Variants in CATSPERT observed in about 807,000 individuals in gnomAD.
The protein encoded by CATSPERT is cation channel sperm-associated targeting subunit tau.
chr2:201,619,172 C>A, the CATSPERT span: 2 of 1,601,600 alleles, frequency 1.2e-6, no homozygotes, highest in Non-Finnish European at 1.7e-6. Flanking sequence ...ACCGACGGCC[C>A]GCTACTGCGC....
the CATSPERT span, among the ~76,000 whole-genome samples, chr2:201,594,375 A>T: frequency 3.9e-5 from 6 of 152,022 alleles, no homozygotes; most frequent in Admixed American, 6.5e-5. Context: ...CTTCCCTTTG[A>T]GGGTAACCCG....
chr2:201,545,629 CA>C, the CATSPERT span: 6,188 of 155,724 alleles, frequency 0.04, 12 homozygotes, highest in African/African-American at 0.066. Context: ...TTCCTAGAAG[CA>C]AAAAAAAAAA....
chr2:201,584,355 G>A, the CATSPERT span, among the ~76,000 whole-genome samples: 4 of 152,034 alleles, frequency 2.6e-5, no homozygotes, highest in Non-Finnish European at 4.4e-5. Context: ...TGGGCAGAGA[G>A]ACAAAGTGAT....
At chr2:201,616,634 T>G in the CATSPERT span, among the ~76,000 whole-genome samples, 1 of 152,192 alleles carries the variant, frequency 6.6e-6, no homozygotes, top group Non-Finnish European at 1.5e-5. Flanking sequence ...AGCATTCCCT[T>G]TGAAAACTGG....
chr2:201,525,085 C>A, the CATSPERT span, among the ~76,000 whole-genome samples: 5 of 152,118 alleles, frequency 3.3e-5, no homozygotes, highest in African/African-American at 1.2e-4. Context: ...ATATTCGGGA[C>A]CTAAACTTGA....
chr2:201,616,107 C>G, the CATSPERT span, among the ~76,000 whole-genome samples: 1 of 152,322 alleles, frequency 6.6e-6, no homozygotes, highest in African/African-American at 2.4e-5. Context: ...GACGGATTCA[C>G]AGCCAAATTC....
At chr2:201,602,973 A>G in the CATSPERT span, among the ~76,000 whole-genome samples, 5 of 152,226 alleles carry the variant, frequency 3.3e-5, no homozygotes, top group Non-Finnish European at 7.3e-5. Flanking sequence ...CCTTCCATGC[A>G]TCCCCACTAA....
the CATSPERT span, among the ~76,000 whole-genome samples, chr2:201,603,631 T>A: frequency 6.6e-6 from 1 of 152,212 alleles, no homozygotes; most frequent in Non-Finnish European, 1.5e-5. Context: ...AATTAAGAAA[T>A]GTGCCTTATT....
chr2:201,571,241 G>A, the CATSPERT span, among the ~76,000 whole-genome samples: 1 of 152,136 alleles, frequency 6.6e-6, no homozygotes, highest in African/African-American at 2.4e-5. Context: ...GTATTTTAAT[G>A]ATAATATCCA....
chr2:201,555,910 A>C, the CATSPERT span: 2 of 152,186 alleles, frequency 1.3e-5, no homozygotes, highest in Non-Finnish European at 2.9e-5. Context: ...TCTGCATATT[A>C]ATTACAATGC....
chr2:201,534,480 C>T, the CATSPERT span: 1 of 983,284 alleles, frequency 1.0e-6, no homozygotes, highest in Non-Finnish European at 1.2e-6. Flanking sequence ...TGTGCCCATA[C>T]AAGTGGTTAA....
At chr2:201,601,786 T>A in the CATSPERT span, 1 of 1,612,504 alleles carries the variant, frequency 6.2e-7, no homozygotes, top group Non-Finnish European at 8.5e-7. Flanking sequence ...ACAGTGTTCT[T>A]CTCATCGTTT....
chr2:201,556,382 G>A, the CATSPERT span, among the ~76,000 whole-genome samples: 3 of 152,010 alleles, frequency 2.0e-5, no homozygotes, highest in Non-Finnish European at 4.4e-5. Flanking sequence ...GGTGGCGGGC[G>A]CCTGTAGTCC....
At chr2:201,529,700 A>C in the CATSPERT span, among the ~76,000 whole-genome samples, 1 of 152,206 alleles carries the variant, frequency 6.6e-6, no homozygotes, top group African/African-American at 2.4e-5. Flanking sequence ...CTATGCAATG[A>C]TTTCTTGGAT....
chr2:201,549,924 T>C, the CATSPERT span: 52 of 152,272 alleles, frequency 3.4e-4, no homozygotes, highest in African/African-American at 1.2e-3. Flanking sequence ...GTAAAAACCA[T>C]AGGCTACCAA....
chr2:201,537,531 C>T, the CATSPERT span: 1 of 812,582 alleles, frequency 1.2e-6, no homozygotes, highest in Admixed American at 3.3e-5. Flanking sequence ...ACAATAAACA[C>T]ATATGTATGT....
the CATSPERT span, among the ~76,000 whole-genome samples, chr2:201,581,193 C>T: frequency 3.3e-4 from 50 of 151,506 alleles, no homozygotes; most frequent in Middle Eastern, 3.4e-3. Context: ...ATTATTTGAA[C>T]TCAGGAGTAC....
chr2:201,577,873 C>A, the CATSPERT span, among the ~76,000 whole-genome samples: 1 of 151,976 alleles, frequency 6.6e-6, no homozygotes, highest in Admixed American at 6.6e-5. Context: ...TCATCATCCT[C>A]ATTATAAAAA....
the CATSPERT span, among the ~76,000 whole-genome samples, chr2:201,544,334 T>C: frequency 6.6e-6 from 1 of 152,226 alleles, no homozygotes; most frequent in Admixed American, 6.5e-5. Context: ...TGCATGTGTC[T>C]TTAGAGCAGC....
Sources: gnomAD v4.1 joint callset for allele counts (sites outside exome capture counted in the v4.1 genomes callset) on GRCh38, gnomAD v4.1.1 for gene constraint, MANE v1.5 for transcripts, NCBI Gene and HGNC (gene_info 2026-07-23, HGNC 2026-07-21) for gene names.